ROCK2: variants seen among roughly 807,000 people sequenced by gnomAD.
ROCK2 encodes the protein rho-associated protein kinase 2.
ROCK2 carries 61 observed loss-of-function variants against 195.1 expected under a neutral mutation model. The ratio of observed to expected loss-of-function variants is 0.31; its 90% CI spans 0.25 to 0.39. The LOEUF (loss-of-function observed/expected upper bound fraction) is 0.39. ROCK2 is among the 10% of genes least tolerant of loss of function. ROCK2 has a pLI of 1.00. For missense variants in ROCK2, 1,109 were observed against 1,637.4 expected, an observed-to-expected ratio of 0.68 and a Z score of 5.57; for synonymous variants, 504 against 545.5, an observed-to-expected ratio of 0.92 and a Z score of 1.06.
At chr2:11,289,898 C>T (rs1032882797) in intron 1 of ROCK2, among the ~76,000 whole-genome samples, 1 of 152,194 alleles carries the variant, frequency 6.6e-6, no homozygotes, top group Non-Finnish European at 1.5e-5. Context: ...TTGCTCAACT[C>T]AACCATCTTG....
intron 1 of ROCK2, among the ~76,000 whole-genome samples, chr2:11,313,197 TAATAAC>T (rs897158636): frequency 1.1e-4 from 16 of 152,198 alleles, no homozygotes; most frequent in African/African-American, 3.6e-4. Flanking sequence ...GGTACGATGT[TAATAAC>T]AGAAACGGAA....
intron 20 of ROCK2, among the ~76,000 whole-genome samples, chr2:11,202,590 C>T (rs1262038628): frequency 6.6e-6 from 1 of 151,976 alleles, no homozygotes; most frequent in East Asian, 1.9e-4. Context: ...TTCCGCCTCC[C>T]GGGTTCACGC....
rs112383242 is a variant in ROCK2, at chr2:11,328,217, T to C, written c.141+15779A>G. ...CCCCAATGCGACTAATTACACGCAG[T>C]GAATTAAGAACACAAAAATGCCAAC... is the stretch of plus-strand genomic sequence containing the variant. On this transcript the variant is annotated intron_variant, in intron 1 of 32. Coordinates refer to ENST00000315872, the MANE Select transcript of ROCK2 (RefSeq NM_004850.5). Among the ~76,000 whole-genome samples the C allele has an allele frequency of 7.1e-3, 1,085 of 152,304 alleles. 11 individuals carry two copies. The highest frequency in any genetic ancestry group is 0.025 in the African/African-American group (1,022 of 41,552).
At chr2:11,292,340 T>C (rs1333974464) in intron 1 of ROCK2, among the ~76,000 whole-genome samples, 1 of 152,146 alleles carries the variant, frequency 6.6e-6, no homozygotes, top group Admixed American at 6.5e-5. Context: ...TGCAAAGCAC[T>C]ATACATGCAT....
chr2:11,274,431 A>G (rs1480564091), intron 3 of ROCK2, among the ~76,000 whole-genome samples: 1 of 152,176 alleles, frequency 6.6e-6, no homozygotes, highest in Non-Finnish European at 1.5e-5. Context: ...AAAAGTGGGG[A>G]CATTACTACC....
At chr2:11,285,001 G>A (rs1046132090) in intron 3 of ROCK2, among the ~76,000 whole-genome samples, 1 of 152,122 alleles carries the variant, frequency 6.6e-6, no homozygotes, top group Admixed American at 6.5e-5. Flanking sequence ...AGTGGCTCAC[G>A]CCTGTAATCC....
chr2:11,286,359 T>G (rs1215175594), intron 3 of ROCK2, among the ~76,000 whole-genome samples, 180 bp downstream of exon 3: 1 of 151,480 alleles, frequency 6.6e-6, no homozygotes, highest in Non-Finnish European at 1.5e-5. Flanking sequence ...GTTTCAGAGC[T>G]GGAAGAGACC....
At chr2:11,300,637 TTC>T (rs1667674430) in intron 1 of ROCK2, among the ~76,000 whole-genome samples, 1 of 152,236 alleles carries the variant, frequency 6.6e-6, no homozygotes, top group Admixed American at 6.5e-5. Context: ...GCCATAATTT[TTC>T]TTACACTCAA....
intron 7 of ROCK2, among the ~76,000 whole-genome samples, chr2:11,222,380 CAATA>C (rs1048724588): frequency 2.6e-5 from 4 of 152,022 alleles, no homozygotes; most frequent in Admixed American, 6.5e-5. Flanking sequence ...CTGTAATGCA[CAATA>C]AATGTCATGA....
chr2:11,235,850 T>G lies in ROCK2; in HGVS notation c.575A>C (p.Lys192Thr). ...SNYDVPEKWAKFYTAEVVLAL... is the reference protein window; with the variant it reads ...SNYDVPEKWATFYTAEVVLAL... ...AAGAACAACTTCAGCAGTGTAAAATTTGGCCCATTTTTCAGGCACATCATA... is the reference window on the plus strand; with the variant it reads ...AAGAACAACTTCAGCAGTGTAAAATGTGGCCCATTTTTCAGGCACATCATA... The change falls in exon 5 of 33, where the codon AAA (lysine) becomes ACA (threonine). Residue 192 changes from lysine to threonine, a missense_variant. Lys to Thr is a moderately conservative substitution (Grantham distance 78). This residue lies in a region of ROCK2 where 253 missense variants were observed against 455.5 expected (regional missense o/e 0.56). Coordinates refer to ENST00000315872, the MANE Select transcript of ROCK2 (RefSeq NM_004850.5). This position sits in a 1 kb window ranked among gnomAD's most constrained non-coding sequence, Gnocchi z 4.2. The G allele has an allele frequency of 6.2e-7, 1 of 1,613,980 alleles. No individual in the cohort carries two copies. The highest frequency in any genetic ancestry group is 8.5e-7 in the Non-Finnish European group (1 of 1,179,942).
intron 6 of ROCK2, 44 bp downstream of exon 6, chr2:11,227,210 T>C (rs1259064058): frequency 1.3e-6 from 2 of 1,531,166 alleles, no homozygotes; most frequent in Admixed American, 3.5e-5. Flanking sequence ...AAATAAAGTA[T>C]TATAAGAAGC....
chr2:11,267,374 C>G (rs1373763358), intron 3 of ROCK2, among the ~76,000 whole-genome samples: 1 of 152,094 alleles, frequency 6.6e-6, no homozygotes, highest in East Asian at 1.9e-4. Flanking sequence ...AATGGAAGAG[C>G]TAGGATTCAA....
intron 4 of ROCK2, among the ~76,000 whole-genome samples, chr2:11,240,293 G>C (rs148229105): frequency 1.4e-3 from 218 of 152,306 alleles, no homozygotes; most frequent in African/African-American, 5.0e-3. Context: ...AAGGACACGT[G>C]AGTCACCTCA....
At chr2:11,275,356 G>T (rs991521009) in intron 3 of ROCK2, among the ~76,000 whole-genome samples, 1 of 151,802 alleles carries the variant, frequency 6.6e-6, no homozygotes, top group African/African-American at 2.4e-5. Flanking sequence ...ATACCTTATT[G>T]TATGTAATAT....
intron 1 of ROCK2, among the ~76,000 whole-genome samples, chr2:11,317,614 T>TATA (rs1159420475): frequency 0.014 from 189 of 13,920 alleles, no homozygotes; most frequent in African/African-American, 0.027. Context: ...ATATATATAT[T>TATA]TTTTTTTTTT....
intron 3 of ROCK2, among the ~76,000 whole-genome samples, chr2:11,275,892 G>T (rs911050352): frequency 1.3e-5 from 2 of 151,946 alleles, no homozygotes; most frequent in Non-Finnish European, 2.9e-5. Context: ...AAGAGATGGG[G>T]TTTCACCATG....
At chr2:11,194,807 A>G in intron 28 of ROCK2, 148 bp downstream of exon 28, 1 of 413,882 alleles carries the variant, frequency 2.4e-6, no homozygotes, top group Non-Finnish European at 4.3e-6. Context: ...AAGATAAATA[A>G]AATCATATCA....
Position 11,215,072 on chromosome 2 carries a change from A to G in ROCK2, c.1704T>C (p.Asn568=). ...NQLQRQLDET[N]ALLRTESDTA... is the part of the protein sequence containing the mutation. The stretch of plus-strand genomic sequence containing the variant: ...TATCAGACTCTGTTCGCAGTAAAGC[A>G]TTGGTTTCATCCAGCTGTTATTCCA... The change falls in exon 16 of 33, where the codon AAT becomes AAC. Residue 568 remains asparagine (N), a synonymous_variant. Coordinates refer to ENST00000315872, the MANE Select transcript of ROCK2 (RefSeq NM_004850.5). 2 of 1,614,118 alleles carry G rather than the reference A, an allele frequency of 1.2e-6. No homozygotes were observed. Among genetic ancestry groups the G allele is most frequent in the African/African-American group, 1.3e-5 (1 of 75,062 alleles).
chr2:11,305,444 TACACACACACAC>T (rs59533265), intron 1 of ROCK2, among the ~76,000 whole-genome samples: 4,492 of 150,422 alleles, frequency 0.03, 96 homozygotes, highest in South Asian at 0.045. Flanking sequence ...TGTGTGGGTG[TACACACACACAC>T]ACACACACAC....
Sources: gnomAD v4.1 joint callset for allele counts (sites outside exome capture counted in the v4.1 genomes callset) on GRCh38, gnomAD v4.1.1 for gene constraint, gnomAD v4.1.1 regional missense constraint, Gnocchi (gnomAD v3.1) non-coding constraint, MANE v1.5 for transcripts, NCBI Gene and HGNC (gene_info 2026-07-23, HGNC 2026-07-21) for gene names.